Variants in PEAK1 observed in about 807,000 individuals in gnomAD.
PEAK1 encodes the protein pseudopodium enriched atypical kinase 1.
A neutral mutation model predicts 124.7 loss-of-function variants in PEAK1; 54 were observed. The observed-to-expected ratio is 0.43, with a 90% confidence interval of 0.35 to 0.54. PEAK1 has a LOEUF of 0.54. PEAK1 is among the 20% of genes least tolerant of loss of function. The pLI, the probability that PEAK1 is intolerant of heterozygous loss-of-function variation, is 0.01. For synonymous variants in PEAK1, 719 were observed against 760.0 expected, an observed-to-expected ratio of 0.95 and a Z score of 0.89; for missense variants, 2,046 against 2,134.5, an observed-to-expected ratio of 0.96 and a Z score of 0.82.
At chr15:77,372,221 T>G (rs1007192600) in intron 1 of PEAK1, among the ~76,000 whole-genome samples, 5 of 152,184 alleles carry the variant, frequency 3.3e-5, no homozygotes, top group African/African-American at 1.2e-4. Flanking sequence ...GGCTCTGAAT[T>G]GAATTATTCA....
chr15:77,226,274 G>A (rs2059672086), intron 6 of PEAK1, among the ~76,000 whole-genome samples: 1 of 148,460 alleles, frequency 6.7e-6, no homozygotes. Context: ...TGAGATGTTT[G>A]AAAAGAAAAT....
intron 2 of PEAK1, among the ~76,000 whole-genome samples, chr15:77,323,125 A>T (rs12903103): frequency 0.077 from 11,773 of 152,156 alleles, 549 homozygotes; most frequent in Non-Finnish European, 0.1. Flanking sequence ...TATTGATGGG[A>T]CGTATCTCAA....
chr15:77,237,204 G>C (rs1326846503), intron 6 of PEAK1, among the ~76,000 whole-genome samples: 1 of 152,050 alleles, frequency 6.6e-6, no homozygotes, highest in East Asian at 1.9e-4. Flanking sequence ...AAAAAAGATT[G>C]TAAATCCTAA....
Position 77,112,854 on chromosome 15 carries a change from T to A in PEAK1, c.*1302A>T, listed in dbSNP as rs1026056941. The A allele has an allele frequency of 2.0e-5, 3 of 152,048 alleles. No individual in the cohort carries two copies. Among genetic ancestry groups the A allele is most frequent in the African/African-American group, 4.8e-5 (2 of 41,384 alleles). 9.4% of individuals were successfully genotyped at this position (152,048 alleles called of 1,614,324 possible). On this transcript the variant is annotated 3_prime_UTR_variant, in exon 10 of 10. Transcript: ENST00000682557. ...AATACATACAAAAATTGCACACATA[T>A]CCATAGAAGGGGAGCACAGGCTGCA...
intron 5 of PEAK1, among the ~76,000 whole-genome samples, chr15:77,282,709 G>A (rs1597096454): frequency 6.6e-6 from 1 of 152,144 alleles, no homozygotes; most frequent in East Asian, 1.9e-4. Flanking sequence ...AATCACAATG[G>A]GCCAATGAGA....
At chr15:77,168,445 G>T (rs546098423) in intron 7 of PEAK1, among the ~76,000 whole-genome samples, 3 of 152,180 alleles carry the variant, frequency 2.0e-5, no homozygotes, top group African/African-American at 4.8e-5. Flanking sequence ...TTTGTGGGCC[G>T]TGTGGTCTCC....
Position 77,279,114 on chromosome 15 carries a change from T to C in PEAK1, c.-275+4769A>G, listed in dbSNP as rs750736687. 4.0e-4 allele frequency among the ~76,000 whole-genome samples: 61 copies of C among 150,918 alleles called. No individual in the cohort carries two copies. In the Middle Eastern group the frequency reaches 0.01, roughly 25 times the overall value. On this transcript the variant is annotated intron_variant, in intron 5 of 9. Coordinates refer to ENST00000682557, the MANE Select transcript of PEAK1 (RefSeq NM_001385026.1). ...AGGTGCTCGTGTGTGCGTGTGTGTGTGTGTGTGTGTGTGTGTGTGTGTTTC... is the reference window on the plus strand; with the variant it reads ...AGGTGCTCGTGTGTGCGTGTGTGTGCGTGTGTGTGTGTGTGTGTGTGTTTC...
chr15:77,372,002 TAG>T (rs2068677536), intron 1 of PEAK1, among the ~76,000 whole-genome samples: 1 of 152,180 alleles, frequency 6.6e-6, no homozygotes, highest in Non-Finnish European at 1.5e-5. Flanking sequence ...TGAACAGTCA[TAG>T]AGAAAATGTT....
chr15:77,239,603 T>C (rs2060268568), intron 6 of PEAK1, among the ~76,000 whole-genome samples: 1 of 152,172 alleles, frequency 6.6e-6, no homozygotes, highest in Non-Finnish European at 1.5e-5. Context: ...TATAAGTAAG[T>C]AGATGAAAAA....
intron 5 of PEAK1, among the ~76,000 whole-genome samples, chr15:77,263,588 G>C (rs1333348387): frequency 6.6e-6 from 1 of 152,066 alleles, no homozygotes; most frequent in Non-Finnish European, 1.5e-5. Flanking sequence ...ACCAATAACA[G>C]GCTCTGAAAT....
chr15:77,403,962 GCGTGTCA>G, intron 1 of PEAK1: 1 of 964,682 alleles, frequency 1.0e-6, no homozygotes, highest in Non-Finnish European at 1.2e-6. Context: ...TGGGTAAACT[GCGTGTCA>G]CAAGGGTTTG....
chr15:77,292,007 T>C (rs1597139922), intron 2 of PEAK1, among the ~76,000 whole-genome samples: 1 of 152,112 alleles, frequency 6.6e-6, no homozygotes, highest in East Asian at 1.9e-4. Context: ...GTTATATATT[T>C]CTTGTGATCA....
intron 6 of PEAK1, among the ~76,000 whole-genome samples, chr15:77,194,498 A>G (rs1384924350): frequency 6.6e-6 from 1 of 152,178 alleles, no homozygotes; most frequent in African/African-American, 2.4e-5. Flanking sequence ...TCAAAATCCT[A>G]TAGATCTTTT....
At chr15:77,399,130 A>T (rs538588248) in intron 1 of PEAK1, among the ~76,000 whole-genome samples, 9 of 152,344 alleles carry the variant, frequency 5.9e-5, no homozygotes, top group African/African-American at 2.2e-4. Context: ...AAATGGGAAG[A>T]TATACCATGT....
intron 2 of PEAK1, among the ~76,000 whole-genome samples, chr15:77,303,863 G>C (rs1474373337): frequency 1.3e-5 from 2 of 152,106 alleles, no homozygotes; most frequent in African/African-American, 2.4e-5. Context: ...GTATATTTAG[G>C]TCTATGCTCC....
At chr15:77,237,484 C>T (rs7163934) in intron 6 of PEAK1, among the ~76,000 whole-genome samples, 150,601 of 151,372 alleles carry the variant, frequency 0.99, 74,920 homozygotes, top group East Asian at 1. Flanking sequence ...GAACATGGCG[C>T]CTATAATTTT....
chr15:77,334,300 T>G, intron 2 of PEAK1: 3 of 985,256 alleles, frequency 3.0e-6, no homozygotes, highest in Non-Finnish European at 3.6e-6. Context: ...ATAGTAATGC[T>G]GTCTTCTCTT....
At chr15:77,257,724 T>C (rs1219420872) in intron 5 of PEAK1, among the ~76,000 whole-genome samples, 1 of 151,880 alleles carries the variant, frequency 6.6e-6, no homozygotes, top group African/African-American at 2.4e-5. Context: ...AGAAGCTCTT[T>C]AGTTTAACTA....
chr15:77,106,178 C>G (rs868785326), downstream of PEAK1: 1 of 152,082 alleles, frequency 6.6e-6, no homozygotes, highest in Non-Finnish European at 1.5e-5. Flanking sequence ...ATTTTTGCGG[C>G]CCAGTAACGA....
Sources: allele counts gnomAD v4.1 joint callset (sites outside exome capture counted in the v4.1 genomes callset), GRCh38; gene constraint gnomAD v4.1.1; transcripts MANE v1.5; gene names NCBI Gene and HGNC (gene_info 2026-07-23, HGNC 2026-07-21).